Variants in TTC31 observed in about 807,000 individuals in gnomAD.
The protein encoded by TTC31 is tetratricopeptide repeat domain 31, also known as tetratricopeptide repeat protein 31.
TTC31 carries 59 observed loss-of-function variants against 60.4 expected under a neutral mutation model. The observed-to-expected ratio is 0.98, with a 90% CI of 0.79 to 1.21. TTC31 has a LOEUF of 1.21. TTC31 is among the 50% of genes most tolerant of loss of function. The pLI, the probability that TTC31 is intolerant of heterozygous loss-of-function variation, is 0.00. For synonymous variants in TTC31, 225 were observed against 249.6 expected (o/e 0.90, Z 0.93); for missense variants, 672 against 646.9 (o/e 1.04, Z -0.42).
chr2:74,492,952 C>T lies in TTC31; in HGVS notation c.1294C>T (p.Pro432Ser), dbSNP rs111333876. ...QGQRGGICAP[P>S]LSPGALQPLP... ...TCAGCGAGGAGGAATCTGTGCACCA[C>T]CTCTGTCACCTGGGGCCCTCCAGCC... The change falls in exon 13 of 13, where the codon CCT (proline) becomes TCT (serine). Residue 432 changes from proline to serine, a missense_variant. Physicochemically the swap from Pro to Ser is moderately conservative, Grantham distance 74. Coordinates refer to ENST00000233623, the MANE Select transcript of TTC31 (RefSeq NM_022492.6). 5.9e-3 allele frequency: 9,496 copies of T among 1,612,430 alleles called. 62 individuals are homozygous for T. Among genetic ancestry groups the T allele is most frequent in the African/African-American group, 0.016 (1,235 of 75,008 alleles).
chr2:74,487,317 C>T (rs1478817114), intron 2 of TTC31, among the ~76,000 whole-genome samples: 1 of 152,078 alleles, frequency 6.6e-6, no homozygotes, highest in Non-Finnish European at 1.5e-5. Flanking sequence ...TTCCCAGTTT[C>T]AAGCAATTCT....
At position 74,490,231 on chromosome 2, in the gene TTC31, TC is replaced by T; in HGVS notation, c.233-10del. 6.2e-7 allele frequency: 1 copy of T among 1,612,694 alleles called. No individual in the cohort carries two copies. Among genetic ancestry groups the T allele is most frequent in the South Asian group, 1.1e-5 (1 of 91,052 alleles). On this transcript the variant is annotated splice_polypyrimidine_tract_variant and intron_variant, in intron 3 of 12. Coordinates refer to ENST00000233623, the MANE Select transcript of TTC31 (RefSeq NM_022492.6). ...ATGTCCTTTCTTTCCTGTCTCTTTCTCCCTCCTGACAGATTACCTCCTGGGC... is the reference window on the plus strand; with the variant it reads ...ATGTCCTTTCTTTCCTGTCTCTTTCTCCTCCTGACAGATTACCTCCTGGGC...
At position 74,490,736 on chromosome 2, in the gene TTC31, G is replaced by T; in HGVS notation, c.543G>T (p.Lys181Asn). The T allele has an allele frequency of 6.2e-7, 1 of 1,612,706 alleles. No individual in the cohort carries two copies. Among genetic ancestry groups the T allele is most frequent in the Non-Finnish European group, 8.5e-7 (1 of 1,179,392 alleles). Reference protein sequence around the residue: ...KQKAEKKRLKKKRQKERKRQE... With the variant: ...KQKAEKKRLKNKRQKERKRQE... ...AAGCAGAGAAAAAGCGACTCAAGAA[G>T]AAGGTGGCTAGAGCATGGCTGGAGG... The change falls in exon 5 of 13, where the codon AAG becomes AAT. Residue 181 changes from lysine to asparagine, a missense_variant. By Grantham distance (94) the Lys-to-Asn change is moderately conservative. Transcript: ENST00000233623.
rs939993867 is a variant in TTC31 at position 74,494,290 on chromosome 2, T to G, written c.*1072T>G. 1 of 152,212 alleles carries G rather than the reference T, an allele frequency of 6.6e-6. No individual in the cohort carries two copies. Among genetic ancestry groups the G allele is most frequent in the African/African-American group, 2.4e-5 (1 of 41,448 alleles). 9.4% of individuals were successfully genotyped at this position (152,212 alleles called of 1,614,324 possible). A position where few individuals can be genotyped will look rare whatever the true frequency, so the allele number is the denominator to read the frequency against. ...TGGAGAGAGAAGGTATTGAAACATC[T>G]CCTTTATGTGTGACTTTCCCAAATT... On this transcript the variant is annotated 3_prime_UTR_variant, in exon 13 of 13. Coordinates refer to ENST00000233623, the MANE Select transcript of TTC31 (RefSeq NM_022492.6).
intron 3 of TTC31, 58 bp downstream of exon 3, chr2:74,490,185 C>T: frequency 6.2e-7 from 1 of 1,610,344 alleles, no homozygotes; most frequent in South Asian, 1.1e-5. Context: ...GAGGGCTGAC[C>T]CTCAGATGCA....
chr2:74,490,152 A>G (rs779350636), intron 3 of TTC31, 25 bp downstream of exon 3: 27 of 1,608,822 alleles, frequency 1.7e-5, no homozygotes, highest in South Asian at 1.1e-5. Context: ...GACCGGGCCC[A>G]GGGATCGAGG....
At position 74,492,712 on chromosome 2, in the gene TTC31, C is replaced by T. The variant is rs370957685; in HGVS notation, c.1228C>T (p.Arg410Ter). The T allele has an allele frequency of 2.8e-5, 45 of 1,614,162 alleles. No individual in the cohort carries two copies. Among genetic ancestry groups the T allele is most frequent in the Non-Finnish European group, 3.2e-5 (38 of 1,180,024 alleles). ...LRGGSQPDAA[R>*]ELRSCLLHLT... ...AGGTGGGTCCCAGCCTGACGCAGCC[C>T]GAGAGCTCCGCTCTTGCCTTCTCCA... Residue 410 changes from arginine to a stop codon, truncating the protein, a stop_gained, in exon 12 of 13, where the codon CGA (arginine) becomes TGA (stop). Coordinates refer to ENST00000233623, the MANE Select transcript of TTC31 (RefSeq NM_022492.6). LOFTEE classifies it low-confidence loss of function (END_TRUNC).
At position 74,492,132 on chromosome 2, in the gene TTC31, T is replaced by C. The variant is rs1167378523; in HGVS notation, c.929-7T>C. On this transcript the variant is annotated splice_region_variant and splice_polypyrimidine_tract_variant and intron_variant, in intron 9 of 12. Coordinates refer to ENST00000233623, the MANE Select transcript of TTC31 (RefSeq NM_022492.6). ...ATCTGAACCTTCTCACCCTCTTTCCTTTCCAGAGTTGGGTACCAGCTTTGC... is the reference window on the plus strand; with the variant it reads ...ATCTGAACCTTCTCACCCTCTTTCCCTTCCAGAGTTGGGTACCAGCTTTGC... 1 of 1,614,210 alleles carries C rather than the reference T, an allele frequency of 6.2e-7. No homozygotes were observed. The highest frequency in any genetic ancestry group is 8.5e-7 in the Non-Finnish European group (1 of 1,180,024).
intron 2 of TTC31, among the ~76,000 whole-genome samples, chr2:74,489,571 A>G (rs1343168152): frequency 1.3e-5 from 2 of 152,148 alleles, no homozygotes; most frequent in Admixed American, 1.3e-4. Context: ...TTTGTGGAGA[A>G]ACAGATGAGG....
At chr2:74,487,774 A>G (rs1311124012) in intron 2 of TTC31, among the ~76,000 whole-genome samples, 1 of 151,822 alleles carries the variant, frequency 6.6e-6, no homozygotes, top group Non-Finnish European at 1.5e-5. Flanking sequence ...CTGCCTCCCA[A>G]GTTCGAGCAA....
At chr2:74,486,418 A>T (rs1673113920) in intron 2 of TTC31, among the ~76,000 whole-genome samples, 1 of 152,238 alleles carries the variant, frequency 6.6e-6, no homozygotes, top group South Asian at 2.1e-4. Flanking sequence ...GTAGGTACTG[A>T]GAAACAGCAG....
chr2:74,483,277 T>C (rs1672652975), intron 1 of TTC31, 45 bp from the exon 2 acceptor site: 4 of 1,613,308 alleles, frequency 2.5e-6, no homozygotes, highest in Non-Finnish European at 3.4e-6. Flanking sequence ...CTCTAGCCCA[T>C]CTGTCCCGAG....
chr2:74,485,758 C>T (rs922735294), intron 2 of TTC31, among the ~76,000 whole-genome samples: 13 of 152,050 alleles, frequency 8.5e-5, no homozygotes, highest in Admixed American at 2.0e-4. Context: ...GCGTGAGCCA[C>T]CGCACCTGGC....
rs1674204358 is a variant in TTC31 at position 74,493,839 on chromosome 2, C to T, written c.*621C>T. The T allele has an allele frequency of 6.6e-6, 1 of 152,416 alleles. No homozygotes were observed. The highest frequency in any genetic ancestry group is 6.5e-5 in the Admixed American group (1 of 15,284). 9.4% of individuals were successfully genotyped at this position (152,416 alleles called of 1,614,324 possible). On this transcript the variant is annotated 3_prime_UTR_variant, in exon 13 of 13. Transcript: ENST00000233623. ...GGGTTTGCATTTGGGAAGTCCCTTACCAGCTCCTGCTTAGAGCTGGTAGGG... is the reference window on the plus strand; with the variant it reads ...GGGTTTGCATTTGGGAAGTCCCTTATCAGCTCCTGCTTAGAGCTGGTAGGG...
At position 74,492,245 on chromosome 2, in the gene TTC31, G is replaced by T; in HGVS notation, c.1019+16G>T. The stretch of plus-strand genomic sequence containing the variant: ...AGGACCACCGGTAGGTGGGGGCTTG[G>T]CCAGGGCAGGGCAGAGTGTTGAGGA... On this transcript the variant is annotated intron_variant, in intron 10 of 12. Coordinates refer to ENST00000233623, the MANE Select transcript of TTC31 (RefSeq NM_022492.6). 2.5e-6 allele frequency: 4 copies of T among 1,614,194 alleles called. No homozygotes were observed. The highest frequency in any genetic ancestry group is 3.4e-6 in the Non-Finnish European group (4 of 1,180,020).
At position 74,491,478 on chromosome 2, in the gene TTC31, C is replaced by T. The variant is rs1378227230; in HGVS notation, c.685-3C>T. On this transcript the variant is annotated splice_polypyrimidine_tract_variant and splice_region_variant and intron_variant, in intron 7 of 12. Transcript: ENST00000233623. ...CCTCCCTAACTTTCCATTTTGTTCA[C>T]AGGACTCACTGGATCTATCTAGCAC... 1.2e-6 allele frequency: 2 copies of T among 1,609,734 alleles called. No homozygotes were observed. Among genetic ancestry groups the T allele is most frequent in the African/African-American group, 1.3e-5 (1 of 74,582 alleles).
rs772207545 is a variant in TTC31, at chr2:74,483,164, T to C, written c.40+29T>C. On this transcript the variant is annotated intron_variant, in intron 1 of 12. Transcript: ENST00000233623. ...AGCGGTATGACAAGACCAGTGGGGG[T>C]CTAGGAGGGCAGAGGCAGCCCCTCT... 25 of 1,613,670 alleles carry C rather than the reference T, an allele frequency of 1.5e-5. No homozygotes were observed. The African/African-American group carries it at 3.3e-4, about 22-fold the overall frequency.
At chr2:74,488,340 T>A (rs1229019412) in intron 2 of TTC31, among the ~76,000 whole-genome samples, 1 of 152,226 alleles carries the variant, frequency 6.6e-6, no homozygotes, top group Non-Finnish European at 1.5e-5. Flanking sequence ...CTACAGATTT[T>A]TTTTTAGCAC....
At chr2:74,487,578 G>A (rs1409410572) in intron 2 of TTC31, among the ~76,000 whole-genome samples, 5 of 151,932 alleles carry the variant, frequency 3.3e-5, no homozygotes, top group Non-Finnish European at 5.9e-5. Context: ...CTGGTTTGAG[G>A]AGGAAGAGAG....
Sources: gnomAD v4.1 joint callset for allele counts (sites outside exome capture counted in the v4.1 genomes callset) on GRCh38, gnomAD v4.1.1 for gene constraint, MANE v1.5 for transcripts, NCBI Gene and HGNC (gene_info 2026-07-23, HGNC 2026-07-21) for gene names.